The following WAC variants were observed in gnomAD, a reference collection of about 807,000 sequenced individuals.
The protein encoded by WAC is WW domain containing adaptor with coiled-coil, also known as WW domain-containing adapter protein with coiled-coil.
A neutral mutation model predicts 79.6 loss-of-function variants in WAC; 11 were observed. That is an observed-to-expected ratio of 0.14 (90% CI 0.09 to 0.23). WAC has a LOEUF of 0.23. Ranked by LOEUF, WAC falls within the 10% of genes least tolerant of loss-of-function variation. The pLI, the probability that WAC is intolerant of heterozygous loss-of-function variation, is 1.00. For missense variants in WAC, 728 were observed against 773.5 expected (o/e 0.94, Z 0.70); for synonymous variants, 304 against 276.9 (o/e 1.10, Z -0.97).
At chr10:28,536,600 T>C (rs1404426086) in intron 3 of WAC, among the ~76,000 whole-genome samples, 1 of 152,272 alleles carries the variant, frequency 6.6e-6, no homozygotes, top group Non-Finnish European at 1.5e-5. Context: ...GTGATTTTTA[T>C]ACCTGGTTCA....
intron 6 of WAC, chr10:28,591,234 G>A (rs1840068078): frequency 5.6e-6 from 1 of 178,806 alleles, no homozygotes; most frequent in Admixed American, 6.0e-5. Context: ...TACACACAGT[G>A]ACACCAGAAT....
At chr10:28,549,972 G>A (rs1250686348) in intron 3 of WAC, among the ~76,000 whole-genome samples, 1 of 152,052 alleles carries the variant, frequency 6.6e-6, no homozygotes. Flanking sequence ...AGACCAGCCA[G>A]GCCAAACATG....
intron 13 of WAC, among the ~76,000 whole-genome samples, chr10:28,618,365 C>T (rs1005326302): frequency 8.2e-5 from 8 of 97,906 alleles, no homozygotes; most frequent in Non-Finnish European, 1.4e-4. Context: ...CACAGAGTTA[C>T]AGGTCGATTG....
At chr10:28,572,544 GCTC>G (rs1156703366) in intron 3 of WAC, among the ~76,000 whole-genome samples, 2 of 152,102 alleles carry the variant, frequency 1.3e-5, no homozygotes, top group Non-Finnish European at 2.9e-5. Flanking sequence ...GGGTGTGGTG[GCTC>G]ACACCTGTAA....
At chr10:28,561,483 G>A (rs1838296185) in intron 3 of WAC, among the ~76,000 whole-genome samples, 1 of 148,192 alleles carries the variant, frequency 6.7e-6, no homozygotes, top group African/African-American at 2.4e-5. Context: ...AAAATGAAAA[G>A]TTCACTTTTA....
chr10:28,533,660 G>A (rs1315656687), intron 1 of WAC, 40 bp downstream of exon 1: 9 of 1,536,220 alleles, frequency 5.9e-6, no homozygotes, highest in Non-Finnish European at 7.9e-6. Context: ...GGCGGCGGGG[G>A]GCGGCGGCGG....
At chr10:28,606,844 A>G (rs908541250) in intron 7 of WAC, among the ~76,000 whole-genome samples, 3 of 152,210 alleles carry the variant, frequency 2.0e-5, no homozygotes, top group Non-Finnish European at 2.9e-5. Flanking sequence ...CAACTTTTCT[A>G]AATAATGCCA....
intron 8 of WAC, 38 bp downstream of exon 8, chr10:28,608,469 A>G (rs1021736049): frequency 2.2e-5 from 34 of 1,533,346 alleles, no homozygotes; most frequent in Non-Finnish European, 2.8e-5. Context: ...ATTTATTTGC[A>G]TTGTGCAAAG....
At position 28,572,337 on chromosome 10, in the gene WAC, C is replaced by CAAA. The variant is rs535940157; in HGVS notation, c.275-11047_275-11045dup. ...GGGCAACAGAGTGAGACTCTGTCTC[C>CAAA]AAAAAAAAAAAAAAAAAGCCATTAA... On this transcript the variant is annotated intron_variant, in intron 3 of 13. Coordinates refer to ENST00000354911, the MANE Select transcript of WAC (RefSeq NM_016628.5). Among the ~76,000 whole-genome samples the CAAA allele has an allele frequency of 4.4e-4, 38 of 86,832 alleles. No homozygotes were observed. In the East Asian group the frequency reaches 9.7e-3, roughly 22 times the overall value. 57.0% of individuals were successfully genotyped at this position (86,832 alleles called of 152,430 possible).
intron 3 of WAC, among the ~76,000 whole-genome samples, chr10:28,573,233 T>G (rs942727973): frequency 2.6e-5 from 4 of 152,144 alleles, no homozygotes; most frequent in Non-Finnish European, 5.9e-5. Context: ...CGAGATGAAA[T>G]TCACATAACA....
Position 28,616,246 on chromosome 10 carries a change from C to T in WAC, c.1630C>T (p.Pro544Ser). The change falls in exon 12 of 14, where the codon CCA becomes TCA. Residue 544 changes from proline (P) to serine (S), a missense_variant. By Grantham distance (74) the Pro-to-Ser change is moderately conservative (BLOSUM62 -1). Coordinates refer to ENST00000354911, the MANE Select transcript of WAC (RefSeq NM_016628.5). ...TAATGCATCAAATGCAACAGTTGTA[C>T]CACAGAATTCTTCTGCCCGATCCAC... ...SSNASNATVV[P>S]QNSSARSTCS... The T allele has an allele frequency of 6.2e-7, 1 of 1,613,932 alleles. No individual in the cohort carries two copies.
chr10:28,589,671 T>A, intron 4 of WAC, 65 bp from the exon 5 acceptor site: 2 of 1,053,742 alleles, frequency 1.9e-6, no homozygotes, highest in Non-Finnish European at 2.8e-6. Flanking sequence ...TGCTTTGATG[T>A]TGTTGATATT....
At chr10:28,575,578 G>A (rs1350784550) in intron 3 of WAC, among the ~76,000 whole-genome samples, 1 of 152,150 alleles carries the variant, frequency 6.6e-6, no homozygotes, top group African/African-American at 2.4e-5. Flanking sequence ...TTTCCCCAAT[G>A]GCTAATGCCA....
chr10:28,556,379 G>A (rs570909008), intron 3 of WAC, among the ~76,000 whole-genome samples: 1 of 91,982 alleles, frequency 1.1e-5, no homozygotes, highest in South Asian at 3.5e-4. Flanking sequence ...CAATTTCGTT[G>A]CCCATTAAAT....
Position 28,616,230 on chromosome 10 carries a change from A to G in WAC, c.1614A>G (p.Ser538=), listed in dbSNP as rs370423832. ...PNHTSNSSNA[S]NATVVPQNSS... ...ATACTTCTAATAGTAGTAATGCATC[A>G]AATGCAACAGTTGTACCACAGAATT... The change falls in exon 12 of 14, where the codon TCA becomes TCG. Residue 538 remains serine, a synonymous_variant. Coordinates refer to ENST00000354911, the MANE Select transcript of WAC (RefSeq NM_016628.5). The G allele has an allele frequency of 1.2e-6, 2 of 1,613,830 alleles. No individual in the cohort carries two copies. Among genetic ancestry groups the G allele is most frequent in the South Asian group, 1.1e-5 (1 of 91,044 alleles).
At chr10:28,612,438 C>A (rs1841287017) in intron 10 of WAC, among the ~76,000 whole-genome samples, 1 of 152,038 alleles carries the variant, frequency 6.6e-6, no homozygotes, top group African/African-American at 2.4e-5. Flanking sequence ...ATACAGGGAC[C>A]CATTTTACTA....
intron 3 of WAC, among the ~76,000 whole-genome samples, chr10:28,581,026 T>C (rs2132613637): frequency 6.6e-6 from 1 of 152,220 alleles, no homozygotes; most frequent in African/African-American, 2.4e-5. Context: ...ATGCACTTAA[T>C]TCCTCCAGCA....
intron 10 of WAC, among the ~76,000 whole-genome samples, chr10:28,612,136 G>A (rs1841270134): frequency 6.6e-6 from 1 of 152,162 alleles, no homozygotes; most frequent in Non-Finnish European, 1.5e-5. Flanking sequence ...AACCATCTGA[G>A]TCTGTTCCCT....
At position 28,533,993 on chromosome 10, in the gene WAC, T is replaced by C; in HGVS notation, c.42-5T>C. The C allele has an allele frequency of 6.2e-7, 1 of 1,605,080 alleles. No individual in the cohort carries two copies. The highest frequency in any genetic ancestry group is 8.5e-7 in the Non-Finnish European group (1 of 1,176,020). On this transcript the variant is annotated splice_region_variant and splice_polypyrimidine_tract_variant and intron_variant, in intron 1 of 13. Transcript: ENST00000354911. ...ATGTCGCTGCCTTCTCTTCCTGTTT[T>C]TCAGCTGTCACGACCGGAGGGGGGA...
Sources: allele counts gnomAD v4.1 joint callset (sites outside exome capture counted in the v4.1 genomes callset), GRCh38; gene constraint gnomAD v4.1.1; transcripts MANE v1.5; gene names NCBI Gene and HGNC (gene_info 2026-07-23, HGNC 2026-07-21).